CNTLN: variants seen among roughly 807,000 people sequenced by gnomAD.
The protein encoded by CNTLN is centlein, centrosomal protein.
A neutral mutation model predicts 180.0 loss-of-function variants in CNTLN; 212 were observed. That is an observed-to-expected ratio of 1.18 (90% CI 1.05 to 1.32). The LOEUF (loss-of-function observed/expected upper bound fraction) is 1.32. Ranked by LOEUF, CNTLN falls within the 40% of genes most tolerant of loss-of-function variation. The pLI, the probability that CNTLN is intolerant of heterozygous loss-of-function variation, is 0.00. For missense variants in CNTLN, 2,095 were observed against 1,610.9 expected (o/e 1.30, Z -5.14); for synonymous variants, 722 against 563.1 (o/e 1.28, Z -3.99).
chr9:17,325,372 G>A (rs1563995481), intron 8 of CNTLN, among the ~76,000 whole-genome samples: 2 of 52,638 alleles, frequency 3.8e-5, no homozygotes, highest in Non-Finnish European at 5.0e-5. Flanking sequence ...GTGTGCATGT[G>A]TATGTATGTG....
the CNTLN span, among the ~76,000 whole-genome samples, chr9:17,523,330 G>A: frequency 2.0e-5 from 3 of 152,236 alleles, no homozygotes; most frequent in African/African-American, 7.2e-5. Context: ...TCCGCGTCCT[G>A]GTTCAAGCGA....
At chr9:17,235,628 C>A in intron 3 of CNTLN, 30 bp from the exon 4 acceptor site, 5 of 1,437,476 alleles carry the variant, frequency 3.5e-6, no homozygotes, top group East Asian at 2.7e-5. Flanking sequence ...GAAATAAAAG[C>A]TCACCAGTAA....
chr9:17,511,751 A>G, the CNTLN span, among the ~76,000 whole-genome samples: 1 of 152,046 alleles, frequency 6.6e-6, no homozygotes, highest in Non-Finnish European at 1.5e-5. Context: ...AATTATTAGG[A>G]GCCATTTCAT....
chr9:17,187,375 G>A (rs111337926), intron 2 of CNTLN, among the ~76,000 whole-genome samples: 1,959 of 151,980 alleles, frequency 0.013, 43 homozygotes, highest in African/African-American at 0.045. Context: ...TTATTCCTGC[G>A]CTTTCATGTT....
At chr9:17,316,750 T>A (rs1819564466) in intron 8 of CNTLN, among the ~76,000 whole-genome samples, 1 of 152,158 alleles carries the variant, frequency 6.6e-6, no homozygotes, top group South Asian at 2.1e-4. Context: ...TTTGTAATAT[T>A]TTCTAGTGTG....
intron 16 of CNTLN, among the ~76,000 whole-genome samples, chr9:17,410,431 A>C (rs1012126469): frequency 2.0e-5 from 3 of 152,090 alleles, no homozygotes; most frequent in African/African-American, 7.2e-5. Context: ...TATATATGCT[A>C]TATATGAGCC....
rs534518489 is a variant in CNTLN, at chr9:17,368,606, G to A, written c.1987+1889G>A. ...ATAGTCCCAGTGGTGGTGGCCACAG[G>A]GGTGCATTTGTCACTCCATCCCCAG... On this transcript the variant is annotated intron_variant, in intron 13 of 25. Coordinates refer to ENST00000380647, the MANE Select transcript of CNTLN (RefSeq NM_017738.4). Among the ~76,000 whole-genome samples, 3 of 152,278 alleles carry A rather than the reference G, an allele frequency of 2.0e-5. No individual in the cohort carries two copies. The East Asian group carries it at 5.8e-4, about 29-fold the overall frequency.
chr9:17,415,785 T>C lies in CNTLN; in HGVS notation c.2797-3T>C. ...ACCATTTTTATGAAATCTTCAAATT[T>C]AGGACTATTTTCATGATAAGAATGC... On this transcript the variant is annotated splice_polypyrimidine_tract_variant and splice_region_variant and intron_variant, in intron 16 of 25. Transcript: ENST00000380647. 3.9e-6 allele frequency: 6 copies of C among 1,549,638 alleles called. No homozygotes were observed. The highest frequency in any genetic ancestry group is 4.4e-6 in the Non-Finnish European group (5 of 1,124,858).
At chr9:17,149,175 C>G (rs1023559643) in intron 2 of CNTLN, among the ~76,000 whole-genome samples, 1 of 152,164 alleles carries the variant, frequency 6.6e-6, no homozygotes, top group Non-Finnish European at 1.5e-5. Context: ...GCATAGTATT[C>G]CATGGTGTAT....
At chr9:17,445,553 C>T (rs903387240) in intron 18 of CNTLN, among the ~76,000 whole-genome samples, 14 of 152,298 alleles carry the variant, frequency 9.2e-5, no homozygotes, top group Middle Eastern at 3.4e-3. Context: ...GGATTAAGTG[C>T]GGTGCAAGAT....
rs1489873795 is a variant in CNTLN, at chr9:17,394,672, G to T, written c.2218G>T (p.Glu740Ter). 8.1e-6 allele frequency: 13 copies of T among 1,613,014 alleles called. No homozygotes were observed. Among genetic ancestry groups the T allele is most frequent in the Non-Finnish European group, 1.1e-5 (13 of 1,179,584 alleles). Residue 740 changes from glutamate to a stop codon, truncating the protein, a stop_gained, in exon 15 of 26, where the codon GAA becomes TAA. Transcript: ENST00000380647. LOFTEE classifies it high-confidence loss of function. ...GCAACAAGAAGATACAGAGACCAGA[G>T]AAAAAGAGCTAGAACAGATAATAAA... Reference protein sequence around the residue: ...KQQQEDTETREKELEQIIKGS... With the variant: ...KQQQEDTETR
chr9:17,161,218 A>G (rs747849388), intron 2 of CNTLN, among the ~76,000 whole-genome samples: 38 of 152,188 alleles, frequency 2.5e-4, no homozygotes, highest in Non-Finnish European at 4.0e-4. Flanking sequence ...ATTCTTATAA[A>G]TTTGTAGAAA....
intron 8 of CNTLN, among the ~76,000 whole-genome samples, chr9:17,324,340 T>C (rs566495660): frequency 6.6e-6 from 1 of 152,334 alleles, no homozygotes; most frequent in East Asian, 1.9e-4. Context: ...ATGTGAGGCT[T>C]ATAACATATT....
intron 8 of CNTLN, among the ~76,000 whole-genome samples, chr9:17,321,459 T>G (rs1177749657): frequency 6.6e-6 from 1 of 152,176 alleles, no homozygotes; most frequent in East Asian, 1.9e-4. Flanking sequence ...TTGACAGTCT[T>G]AAGTTCAATA....
At chr9:17,383,037 A>G (rs1005689820) in intron 13 of CNTLN, among the ~76,000 whole-genome samples, 10 of 152,178 alleles carry the variant, frequency 6.6e-5, no homozygotes, top group Admixed American at 5.9e-4. Context: ...ATCTTTAACA[A>G]TAGAACTGAG....
intron 25 of CNTLN, among the ~76,000 whole-genome samples, chr9:17,496,623 A>G (rs1564153900): frequency 6.6e-6 from 1 of 152,194 alleles, no homozygotes; most frequent in Non-Finnish European, 1.5e-5. Context: ...TACTTTTTAT[A>G]TCAGTTAAGC....
At chr9:17,185,000 C>G (rs1399286111) in intron 2 of CNTLN, among the ~76,000 whole-genome samples, 1 of 152,110 alleles carries the variant, frequency 6.6e-6, no homozygotes, top group Non-Finnish European at 1.5e-5. Flanking sequence ...AAGCTTTAGC[C>G]AATAACATTT....
At chr9:17,274,227 A>AAT (rs1238731513) in intron 6 of CNTLN, among the ~76,000 whole-genome samples, 1 of 152,094 alleles carries the variant, frequency 6.6e-6, no homozygotes, top group East Asian at 1.9e-4. Context: ...CTTTAATTTT[A>AAT]TTATATTCTA....
At chr9:17,365,901 G>C (rs1346501267) in intron 12 of CNTLN, among the ~76,000 whole-genome samples, 1 of 152,176 alleles carries the variant, frequency 6.6e-6, no homozygotes, top group Non-Finnish European at 1.5e-5. Flanking sequence ...AGCCACGATT[G>C]TGCCACTGCA....
Sources: gnomAD v4.1 joint callset for allele counts (sites outside exome capture counted in the v4.1 genomes callset) on GRCh38, gnomAD v4.1.1 for gene constraint, MANE v1.5 for transcripts, NCBI Gene and HGNC (gene_info 2026-07-23, HGNC 2026-07-21) for gene names.